The following TBC1D32 variants were observed in gnomAD, a reference collection of about 807,000 sequenced individuals.
TBC1D32 encodes the protein TBC1 domain family member 32.
In TBC1D32, 151 loss-of-function variants were observed where a neutral mutation model predicts 170.3. That is an observed-to-expected ratio of 0.89 (90% CI 0.78 to 1.01). TBC1D32 has a LOEUF of 1.01. Among genes scored for constraint, TBC1D32 ranks in the 50% least tolerant of loss-of-function variants. The probability of loss-of-function intolerance (pLI) is 0.00; values close to 1 mark genes in which losing one functional copy is unlikely to be tolerated. For synonymous variants in TBC1D32, 498 were observed against 488.0 expected, an observed-to-expected ratio of 1.02 and a Z score of -0.27; for missense variants, 1,464 against 1,457.1, an observed-to-expected ratio of 1.00 and a Z score of -0.08.
intron 24 of TBC1D32, among the ~76,000 whole-genome samples, chr6:121,138,551 T>G (rs1782400383): frequency 6.6e-6 from 1 of 152,118 alleles, no homozygotes; most frequent in African/African-American, 2.4e-5. Flanking sequence ...AACCATAATC[T>G]CAGTCATACT....
At chr6:121,292,015 C>T (rs1486369084) in intron 12 of TBC1D32, 38 bp downstream of exon 12, 4 of 1,521,656 alleles carry the variant, frequency 2.6e-6, no homozygotes, top group East Asian at 2.3e-5. Flanking sequence ...TAAATCTTAG[C>T]ATATCTTAAC....
intron 15 of TBC1D32, 100 bp downstream of exon 15, chr6:121,279,021 G>C (rs2128441746): frequency 7.5e-7 from 1 of 1,328,884 alleles, no homozygotes; most frequent in Non-Finnish European, 1.0e-6. Context: ...CATAATCCTG[G>C]TTACTCCAGC....
At chr6:121,102,908 C>A (rs1323014436) in intron 30 of TBC1D32, among the ~76,000 whole-genome samples, 3 of 152,110 alleles carry the variant, frequency 2.0e-5, no homozygotes, top group Non-Finnish European at 4.4e-5. Context: ...GAACAAATAA[C>A]CCCATCAAAA....
At chr6:121,103,456 C>T (rs1344269953) in intron 30 of TBC1D32, among the ~76,000 whole-genome samples, 2 of 151,254 alleles carry the variant, frequency 1.3e-5, no homozygotes, top group Admixed American at 1.3e-4. Flanking sequence ...AAGCTGGAAA[C>T]CATCATTCTC....
In TBC1D32 at chr6:121,088,036, G is replaced by A. The variant is rs551014942; in HGVS notation, c.3654+2817C>T. Among the ~76,000 whole-genome samples the A allele has an allele frequency of 4.0e-5, 6 of 150,338 alleles. 1 individual carries two copies. The East Asian group carries it at 5.9e-4, about 15-fold the overall frequency. On this transcript the variant is annotated intron_variant, in intron 31 of 31. Coordinates refer to ENST00000398212, the MANE Select transcript of TBC1D32 (RefSeq NM_152730.6). ...TACAATCATGGCCCACTGCGGCCTC[G>A]ACCTCCTGGGCTCAATTGATCCTCC...
intron 26 of TBC1D32, among the ~76,000 whole-genome samples, chr6:121,123,288 T>C (rs1780470266): frequency 1.3e-5 from 2 of 152,108 alleles, no homozygotes; most frequent in African/African-American, 2.4e-5. Flanking sequence ...TCTATTGAAA[T>C]GATTCTACAG....
At chr6:121,130,755 A>G (rs1781358374) in intron 25 of TBC1D32, among the ~76,000 whole-genome samples, 1 of 152,158 alleles carries the variant, frequency 6.6e-6, no homozygotes, top group Admixed American at 6.6e-5. Flanking sequence ...GCAAATTAAG[A>G]GTTTATATTA....
intron 22 of TBC1D32, among the ~76,000 whole-genome samples, chr6:121,179,881 G>A (rs1788286393): frequency 6.6e-6 from 1 of 152,038 alleles, no homozygotes; most frequent in South Asian, 2.1e-4. Context: ...ATATATAAAA[G>A]AAACAGAGGC....
At chr6:121,107,104 T>C (rs1778772170) in intron 29 of TBC1D32, among the ~76,000 whole-genome samples, 1 of 151,964 alleles carries the variant, frequency 6.6e-6, no homozygotes, top group African/African-American at 2.4e-5. Flanking sequence ...CAAAAAGGCA[T>C]CTTATCTTCT....
At chr6:121,148,872 C>T (rs1450027578) in intron 24 of TBC1D32, among the ~76,000 whole-genome samples, 1 of 152,026 alleles carries the variant, frequency 6.6e-6, no homozygotes, top group Non-Finnish European at 1.5e-5. Flanking sequence ...CCTCAGCCTC[C>T]CAAAGTGAAA....
chr6:121,211,082 T>G (rs1391809038), intron 21 of TBC1D32, among the ~76,000 whole-genome samples: 1 of 152,078 alleles, frequency 6.6e-6, no homozygotes, highest in Non-Finnish European at 1.5e-5. Flanking sequence ...AGAACCCAAG[T>G]GTCCACCAGT....
intron 24 of TBC1D32, among the ~76,000 whole-genome samples, chr6:121,155,145 T>C (rs1784719026): frequency 6.6e-6 from 1 of 152,196 alleles, no homozygotes; most frequent in Non-Finnish European, 1.5e-5. Context: ...AGAAATATTC[T>C]TCCATTTATT....
intron 20 of TBC1D32, among the ~76,000 whole-genome samples, chr6:121,228,751 CAAATGGTTAATA>C (rs1198501012): frequency 6.6e-6 from 1 of 152,004 alleles, no homozygotes; most frequent in Non-Finnish European, 1.5e-5. Flanking sequence ...CTATAAATAT[CAAATGGTTAATA>C]GTGGTATTCA....
Position 121,098,448 on chromosome 6 carries a change from T to A in TBC1D32, c.3466-7407A>T, listed in dbSNP as rs113388426. Among the ~76,000 whole-genome samples the A allele has an allele frequency of 2.0e-5, 3 of 152,034 alleles. 1 individual carries two copies. Among genetic ancestry groups the A allele is most frequent in the African/African-American group, 7.2e-5 (3 of 41,516 alleles). ...AAGTCCTTACACTATCGGAATGACC[T>A]CCGCAAGTCAATTCACTTCATTGAT... On this transcript the variant is annotated intron_variant, in intron 30 of 31. Transcript: ENST00000398212.
intron 24 of TBC1D32, among the ~76,000 whole-genome samples, chr6:121,159,383 A>C (rs187892146): frequency 6.6e-6 from 1 of 152,310 alleles, no homozygotes; most frequent in African/African-American, 2.4e-5. Flanking sequence ...ACCTAGAATT[A>C]ATTGCACAAA....
At chr6:121,291,690 A>G (rs1197607926) in intron 12 of TBC1D32, among the ~76,000 whole-genome samples, 1 of 152,116 alleles carries the variant, frequency 6.6e-6, no homozygotes, top group Non-Finnish European at 1.5e-5. Flanking sequence ...AATATTACCA[A>G]TTTCACTATT....
intron 24 of TBC1D32, among the ~76,000 whole-genome samples, chr6:121,141,922 A>C (rs1582940596): frequency 6.6e-6 from 1 of 152,372 alleles, no homozygotes; most frequent in East Asian, 1.9e-4. Flanking sequence ...AATAGCAAAA[A>C]GCAAATAACA....
chr6:121,175,971 T>C (rs1353091179), intron 22 of TBC1D32, among the ~76,000 whole-genome samples: 1 of 152,226 alleles, frequency 6.6e-6, no homozygotes, highest in Non-Finnish European at 1.5e-5. Context: ...AGAAAAACAC[T>C]GGTTGAATAC....
chr6:121,260,966 C>G (rs777724351), intron 15 of TBC1D32, among the ~76,000 whole-genome samples: 1 of 152,164 alleles, frequency 6.6e-6, no homozygotes, highest in Non-Finnish European at 1.5e-5. Context: ...GGAGGCTGAA[C>G]GGCTTGGTCC....
Sources: allele counts gnomAD v4.1 joint callset (sites outside exome capture counted in the v4.1 genomes callset), GRCh38; gene constraint gnomAD v4.1.1; transcripts MANE v1.5; gene names NCBI Gene and HGNC (gene_info 2026-07-23, HGNC 2026-07-21).